NKAIN3: variants seen among roughly 807,000 people sequenced by gnomAD.
NKAIN3 encodes sodium/potassium transporting ATPase interacting 3.
NKAIN3 carries 25 observed loss-of-function variants against 30.2 expected under a neutral mutation model. That is an observed-to-expected ratio of 0.83 (90% CI 0.60 to 1.16). NKAIN3 has a LOEUF of 1.16. NKAIN3 is among the 50% of genes most tolerant of loss of function. The pLI is 0.00. For synonymous variants in NKAIN3, 91 were observed against 89.6 expected, an observed-to-expected ratio of 1.02 and a Z score of -0.09; for missense variants, 225 against 254.1, an observed-to-expected ratio of 0.89 and a Z score of 0.78.
intron 4 of NKAIN3, among the ~76,000 whole-genome samples, chr8:62,750,804 G>C (rs1222569937): frequency 1.3e-5 from 2 of 152,130 alleles, no homozygotes; most frequent in African/African-American, 4.8e-5. Context: ...TGCAATCCAT[G>C]CTGGAGTGGA....
In NKAIN3 at chr8:62,529,574, T is replaced by C. The variant is rs1366769917; in HGVS notation, c.55-49965T>C. Among the ~76,000 whole-genome samples, 3 of 151,990 alleles carry C rather than the reference T, an allele frequency of 2.0e-5. No individual in the cohort carries two copies. In the East Asian group the frequency reaches 5.8e-4, roughly 29 times the overall value. On this transcript the variant is annotated intron_variant, in intron 1 of 6. Coordinates refer to ENST00000623646, the MANE Select transcript of NKAIN3 (RefSeq NM_001304533.3). Reference sequence around the variant, plus strand: ...CCCTTCCCCCTTCCACCATATGAGCTTACAGTGAGAAGGTGGGAGGACAAC... The same window carrying C: ...CCCTTCCCCCTTCCACCATATGAGCCTACAGTGAGAAGGTGGGAGGACAAC...
rs1585643258 is a variant in NKAIN3 at position 62,982,328 on chromosome 8, C to A, written c.*16921C>A. ...TCTGCTGGAAAACTTTTTCTGATAA[C>A]CATACATATCTTCAATGTCTACAAT... On this transcript the variant is annotated 3_prime_UTR_variant, in exon 7 of 7. Transcript: ENST00000623646. The A allele has an allele frequency of 6.6e-6, 1 of 152,274 alleles. No individual in the cohort carries two copies. Among genetic ancestry groups the A allele is most frequent in the Admixed American group, 6.5e-5 (1 of 15,292 alleles). 9.4% of individuals were successfully genotyped at this position (152,274 alleles called of 1,614,324 possible).
intron 1 of NKAIN3, chr8:62,474,206 G>A (rs916780187): frequency 1.3e-5 from 2 of 152,096 alleles, no homozygotes; most frequent in Admixed American, 6.6e-5. Context: ...AGCAGACATA[G>A]AAACAAAAAA....
chr8:62,711,779 T>C (rs1814727948), intron 3 of NKAIN3, among the ~76,000 whole-genome samples: 1 of 152,198 alleles, frequency 6.6e-6, no homozygotes, highest in African/African-American at 2.4e-5. Context: ...CCATTGCTGG[T>C]GAACTAGTGT....
chr8:62,885,528 G>A (rs185323857), intron 4 of NKAIN3, among the ~76,000 whole-genome samples: 4 of 152,264 alleles, frequency 2.6e-5, no homozygotes, highest in South Asian at 2.1e-4. Flanking sequence ...GTTCAACTAC[G>A]TTCTTACTGA....
At chr8:62,407,491 G>A (rs888473062) in intron 1 of NKAIN3, among the ~76,000 whole-genome samples, 4 of 140,808 alleles carry the variant, frequency 2.8e-5, no homozygotes, top group East Asian at 2.2e-4. Flanking sequence ...TCCGCCTCCC[G>A]AGTTCAAGTG....
At chr8:62,264,289 T>C (rs887081111) in intron 1 of NKAIN3, among the ~76,000 whole-genome samples, 1 of 152,232 alleles carries the variant, frequency 6.6e-6, no homozygotes, top group Admixed American at 6.5e-5. Context: ...CTGGTGTTAT[T>C]GTCCCACTTT....
At position 62,623,063 on chromosome 8, in the gene NKAIN3, C is replaced by T. The variant is rs115015189; in HGVS notation, c.273+33269C>T. On this transcript the variant is annotated intron_variant, in intron 3 of 6. Transcript: ENST00000623646. ...AATAAAAAATGTACTGATGAAATGA[C>T]GCCAGGAGAAAAGAGGCATGATTGA... Among the ~76,000 whole-genome samples, 731 of 151,740 alleles carry T rather than the reference C, an allele frequency of 4.8e-3. 7 individuals are homozygous for T. The highest frequency in any genetic ancestry group is 0.017 in the African/African-American group (697 of 41,430).
chr8:62,750,195 T>G (rs993070745), intron 4 of NKAIN3, among the ~76,000 whole-genome samples: 1 of 152,036 alleles, frequency 6.6e-6, no homozygotes, highest in Non-Finnish European at 1.5e-5. Context: ...CTTTCATTAC[T>G]GGAGGCATAG....
At chr8:62,397,765 C>A (rs1817810437) in intron 1 of NKAIN3, among the ~76,000 whole-genome samples, 1 of 152,108 alleles carries the variant, frequency 6.6e-6, no homozygotes, top group Non-Finnish European at 1.5e-5. Flanking sequence ...CTGCCAGAAA[C>A]CTGTGGATCA....
chr8:62,471,692 C>T (rs923354307), intron 1 of NKAIN3, among the ~76,000 whole-genome samples: 2 of 152,046 alleles, frequency 1.3e-5, no homozygotes, highest in Admixed American at 1.3e-4. Context: ...CGGTGACTCA[C>T]GTCTATAATC....
chr8:62,403,142 C>T (rs1049403139), intron 1 of NKAIN3, among the ~76,000 whole-genome samples: 1 of 152,130 alleles, frequency 6.6e-6, no homozygotes, highest in African/African-American at 2.4e-5. Context: ...TTTGCCCCTG[C>T]CCTAAATATT....
At position 62,969,072 on chromosome 8, in the gene NKAIN3, A is replaced by G. The variant is rs1285031152; in HGVS notation, c.*3665A>G. On this transcript the variant is annotated 3_prime_UTR_variant, in exon 7 of 7. Coordinates refer to ENST00000623646, the MANE Select transcript of NKAIN3 (RefSeq NM_001304533.3). ...GTGTCCCTCAAATGAGAAAAATGAAAACACACTTTCTTACCACTTCAAATC... is the reference window on the plus strand; with the variant it reads ...GTGTCCCTCAAATGAGAAAAATGAAGACACACTTTCTTACCACTTCAAATC... Among the ~76,000 whole-genome samples, 1 of 152,190 alleles carries G rather than the reference A, an allele frequency of 6.6e-6. No individual in the cohort carries two copies. Among genetic ancestry groups the G allele is most frequent in the Non-Finnish European group, 1.5e-5 (1 of 68,040 alleles).
At chr8:62,580,574 T>A (rs1810257413) in intron 2 of NKAIN3, among the ~76,000 whole-genome samples, 2 of 152,176 alleles carry the variant, frequency 1.3e-5, no homozygotes, top group Non-Finnish European at 2.9e-5. Flanking sequence ...ATCTTTCCAT[T>A]TTGACATAAT....
chr8:62,526,849 G>A (rs769904214), intron 1 of NKAIN3, among the ~76,000 whole-genome samples: 15 of 152,064 alleles, frequency 9.9e-5, no homozygotes, highest in Admixed American at 5.9e-4. Flanking sequence ...AGCCCGCAGC[G>A]ATCAGCTCAG....
intron 4 of NKAIN3, among the ~76,000 whole-genome samples, chr8:62,777,413 T>A (rs2130646768): frequency 6.6e-6 from 1 of 152,262 alleles, no homozygotes; most frequent in Admixed American, 6.5e-5. Flanking sequence ...ATCCTATGAC[T>A]ATGTGTTTTC....
At chr8:62,493,492 G>T (rs961637524) in intron 1 of NKAIN3, among the ~76,000 whole-genome samples, 3 of 152,016 alleles carry the variant, frequency 2.0e-5, no homozygotes, top group Non-Finnish European at 4.4e-5. Flanking sequence ...GGTTAGAATT[G>T]CCTTGGTTAT....
intron 4 of NKAIN3, among the ~76,000 whole-genome samples, chr8:62,771,810 G>A (rs549293222): frequency 6.6e-6 from 1 of 151,926 alleles, no homozygotes; most frequent in Admixed American, 6.6e-5. Flanking sequence ...TATTTATTGG[G>A]TATGGGAGAT....
intron 4 of NKAIN3, among the ~76,000 whole-genome samples, chr8:62,884,307 G>A (rs1009576766): frequency 2.6e-5 from 4 of 151,484 alleles, no homozygotes; most frequent in Non-Finnish European, 5.9e-5. Context: ...TGTCCAGGAT[G>A]GAGTGCAATG....
Sources: allele counts gnomAD v4.1 joint callset (sites outside exome capture counted in the v4.1 genomes callset), GRCh38; gene constraint gnomAD v4.1.1; transcripts MANE v1.5; gene names NCBI Gene and HGNC (gene_info 2026-07-23, HGNC 2026-07-21).